The following GPC3 variants were observed in gnomAD, a reference collection of about 807,000 sequenced individuals.
The protein encoded by GPC3 is glypican-3.
A neutral mutation model predicts 34.4 loss-of-function variants in GPC3; 3 were observed. The ratio of observed to expected loss-of-function variants is 0.09; its 90% CI spans 0.04 to 0.23. The LOEUF (loss-of-function observed/expected upper bound fraction) is 0.23. GPC3 is among the 10% of genes least tolerant of loss of function. The pLI is 1.00. For synonymous variants in GPC3, 177 were observed against 174.0 expected, an observed-to-expected ratio of 1.02 and a Z score of -0.13; for missense variants, 351 against 445.6, an observed-to-expected ratio of 0.79 and a Z score of 1.91.
At chrX:133,764,975 G>A (rs1337005009) in intron 2 of GPC3, among the ~76,000 whole-genome samples, 4 of 111,455 alleles carry the variant, frequency 3.6e-5, no homozygotes, top group African/African-American at 9.8e-5. Context: ...GAAGTATCAG[G>A]ATCACACTCT....
intron 2 of GPC3, among the ~76,000 whole-genome samples, chrX:133,905,361 C>T (rs969877274): frequency 3.6e-5 from 4 of 112,440 alleles, no homozygotes; most frequent in African/African-American, 1.3e-4. Flanking sequence ...CACTGAAATA[C>T]TCTACAGTTT....
intron 3 of GPC3, among the ~76,000 whole-genome samples, chrX:133,741,450 C>A (rs2124471277): frequency 9.0e-6 from 1 of 111,194 alleles, no homozygotes; most frequent in Admixed American, 9.6e-5. Flanking sequence ...AATGAAAGAC[C>A]CTTAATAACT....
intron 6 of GPC3, among the ~76,000 whole-genome samples, chrX:133,654,720 A>AC (rs1343209963): frequency 3.6e-5 from 4 of 111,170 alleles, no homozygotes; most frequent in African/African-American, 1.3e-4. Context: ...TCAAAAAACA[A>AC]AAAACAAAAA....
At chrX:133,959,000 T>C (rs1215425518) in intron 1 of GPC3, among the ~76,000 whole-genome samples, 2 of 112,133 alleles carry the variant, frequency 1.8e-5, no homozygotes, top group Non-Finnish European at 3.8e-5. Context: ...TTCTCGCACA[T>C]TGGGTCCAGT....
chrX:133,900,139 G>A (rs1308268779), intron 2 of GPC3, among the ~76,000 whole-genome samples: 2 of 112,233 alleles, frequency 1.8e-5, no homozygotes, highest in African/African-American at 3.2e-5. Context: ...AAACTAAAGC[G>A]CAGAAGGAGA....
intron 7 of GPC3, among the ~76,000 whole-genome samples, chrX:133,548,472 C>A (rs1228840297): frequency 8.9e-6 from 1 of 111,763 alleles, no homozygotes; most frequent in Admixed American, 9.5e-5. Context: ...AATGTCCTGG[C>A]AATGCCCAAC....
At chrX:133,925,277 A>T (rs1256745905) in intron 2 of GPC3, among the ~76,000 whole-genome samples, 2 of 110,184 alleles carry the variant, frequency 1.8e-5, no homozygotes, top group African/African-American at 6.6e-5. Flanking sequence ...AAACCAGAGA[A>T]ATCCAGTGGA....
chrX:133,818,352 C>G (rs1159164816), intron 2 of GPC3, among the ~76,000 whole-genome samples: 2 of 111,462 alleles, frequency 1.8e-5, no homozygotes, highest in East Asian at 5.6e-4. Context: ...AATATTATTC[C>G]AAGTGGTTTA....
At chrX:133,678,026 A>G (rs1388758776) in intron 5 of GPC3, among the ~76,000 whole-genome samples, 1 of 111,272 alleles carries the variant, frequency 9.0e-6, no homozygotes, top group Non-Finnish European at 1.9e-5. Flanking sequence ...GGCATTTGAC[A>G]GGCAGGACAG....
intron 7 of GPC3, among the ~76,000 whole-genome samples, chrX:133,560,078 G>T (rs2069528454): frequency 8.9e-6 from 1 of 111,972 alleles, no homozygotes; most frequent in African/African-American, 3.2e-5. Context: ...GGTGTGGATT[G>T]CCGTCAGTGT....
chrX:133,942,867 T>C (rs2076350819), intron 2 of GPC3, among the ~76,000 whole-genome samples: 2 of 112,034 alleles, frequency 1.8e-5, no homozygotes, highest in South Asian at 7.4e-4. Context: ...TGATTATTGA[T>C]TTTTTAATGC....
intron 7 of GPC3, among the ~76,000 whole-genome samples, chrX:133,575,998 A>G: frequency 8.9e-6 from 1 of 111,759 alleles, no homozygotes; most frequent in Non-Finnish European, 1.9e-5. Context: ...GCTCCTCTCT[A>G]TAGCACTTAA....
intron 5 of GPC3, among the ~76,000 whole-genome samples, chrX:133,680,776 C>T (rs762057655): frequency 9.0e-6 from 1 of 111,501 alleles, no homozygotes; most frequent in Admixed American, 9.5e-5. Context: ...GGAAGATTGC[C>T]CGAGTTAATC....
intron 7 of GPC3, among the ~76,000 whole-genome samples, chrX:133,575,568 C>T (rs767508247): frequency 3.6e-5 from 4 of 111,691 alleles, no homozygotes; most frequent in South Asian, 7.6e-4. Context: ...GGCACTGGAC[C>T]GAAGAACAGC....
At chrX:133,955,855 T>C (rs753781226) in intron 1 of GPC3, among the ~76,000 whole-genome samples, 4 of 112,225 alleles carry the variant, frequency 3.6e-5, no homozygotes, top group East Asian at 5.6e-4. Context: ...TAATTGGATG[T>C]TTTATTTTTT....
At chrX:133,903,924 A>T (rs1306846343) in intron 2 of GPC3, among the ~76,000 whole-genome samples, 3 of 111,649 alleles carry the variant, frequency 2.7e-5, no homozygotes, top group Admixed American at 1.9e-4. Flanking sequence ...GGAGCAGGAA[A>T]GTCGCCAAAT....
chrX:133,787,124 A>AAT (rs1036100978), intron 2 of GPC3, among the ~76,000 whole-genome samples: 7 of 112,221 alleles, frequency 6.2e-5, no homozygotes, highest in African/African-American at 1.9e-4. Context: ...GGATTTCCTA[A>AAT]ATCTTGAAAA....
chrX:133,624,139 T>C (rs1197793163), intron 6 of GPC3, among the ~76,000 whole-genome samples: 1 of 111,732 alleles, frequency 8.9e-6, no homozygotes, highest in Non-Finnish European at 1.9e-5. Context: ...TACCAGAATC[T>C]CTGGGACATA....
At chrX:133,704,074 T>G (rs1455726184) in intron 3 of GPC3, 1 of 316,053 alleles carries the variant, frequency 3.2e-6, no homozygotes, top group Non-Finnish European at 5.5e-6. Context: ...AAGCTGCAGG[T>G]TGGACAAGCT....
Sources: gnomAD v4.1 joint callset for allele counts (sites outside exome capture counted in the v4.1 genomes callset) on GRCh38, gnomAD v4.1.1 for gene constraint, MANE v1.5 for transcripts, NCBI Gene and HGNC (gene_info 2026-07-23, HGNC 2026-07-21) for gene names.